The following USP48 variants were observed in gnomAD, a reference collection of about 807,000 sequenced individuals.
USP48 encodes ubiquitin carboxyl-terminal hydrolase 48.
USP48 carries 43 observed loss-of-function variants against 150.7 expected under a neutral mutation model. That is an observed-to-expected ratio of 0.29 (90% CI 0.22 to 0.37). The LOEUF is 0.37. Ranked by LOEUF, USP48 falls within the 10% of genes least tolerant of loss-of-function variation. USP48 has a pLI of 1.00. For missense variants in USP48, 813 were observed against 1,249.6 expected, an observed-to-expected ratio of 0.65 and a Z score of 5.27; for synonymous variants, 396 against 425.9, an observed-to-expected ratio of 0.93 and a Z score of 0.86.
At chr1:21,703,675 A>C (rs1029878264) in intron 20 of USP48, 57 bp from the exon 21 acceptor site, 2 of 1,265,552 alleles carry the variant, frequency 1.6e-6, no homozygotes, top group Admixed American at 3.9e-5. Context: ...ATTGTTAAAG[A>C]ATCAAAGATC....
chr1:21,782,824 C>A lies in USP48; in HGVS notation c.134G>T (p.Arg45Ile). 6.4e-7 allele frequency: 1 copy of A among 1,551,412 alleles called. No homozygotes were observed. The highest frequency in any genetic ancestry group is 2.5e-5 in the East Asian group (1 of 40,548). The change falls in exon 1 of 27, where the codon AGA becomes ATA. Residue 45 changes from arginine to isoleucine, a missense_variant and splice_region_variant. Transcript: ENST00000308271. ...GCGAGGCGCGGTGCGCGGGCCTCAC[C>A]TGCACACGCCGCGAATGCAGGGCTC... ...WLEPCIRGVC[R>I]RNCKGNPNCL... is the part of the protein sequence containing the mutation.
At position 21,729,781 on chromosome 1, in the gene USP48, T is replaced by C; in HGVS notation, c.1223A>G (p.His408Arg). The part of the protein sequence containing the change: ...TRKPKCGKGT[H>R]CSRNAYMLVY... ...CAACATATATGCATTTCGAGAGCAA[T>C]GAGTTCCTTTGCCACACTTGGGTTT... Residue 408 changes from histidine (H) to arginine (R), a missense_variant, in exon 10 of 27, where the codon CAT (histidine) becomes CGT (arginine). His to Arg is a conservative substitution (Grantham distance 29). Transcript: ENST00000308271. 6.2e-7 allele frequency: 1 copy of C among 1,613,752 alleles called. No individual in the cohort carries two copies. Among genetic ancestry groups the C allele is most frequent in the Non-Finnish European group, 8.5e-7 (1 of 1,179,652 alleles).
intron 8 of USP48, among the ~76,000 whole-genome samples, chr1:21,739,909 T>C (rs2097777305): frequency 7.1e-6 from 1 of 141,654 alleles, no homozygotes; most frequent in Non-Finnish European, 1.5e-5. Context: ...GATGAGATCA[T>C]GCAGTATTTG....
Position 21,706,226 on chromosome 1 carries a change from A to G in USP48, c.2212-39T>C, listed in dbSNP as rs1224446817. 8 of 1,600,414 alleles carry G rather than the reference A, an allele frequency of 5.0e-6. No individual in the cohort carries two copies. The East Asian group carries it at 1.6e-4, about 31-fold the overall frequency. ...ATCACAAAACAGTATCCGTCAATTC[A>G]CCGCCTGCTTAACACAAATTCCTTA... is the stretch of plus-strand genomic sequence containing the variant. On this transcript the variant is annotated intron_variant, in intron 17 of 26. Coordinates refer to ENST00000308271, the MANE Select transcript of USP48 (RefSeq NM_032236.8).
Position 21,775,372 on chromosome 1 carries a change from G to A in USP48, c.134+7452C>T, listed in dbSNP as rs148706455. Among the ~76,000 whole-genome samples the A allele has an allele frequency of 1.2e-3, 182 of 152,174 alleles. 1 individual carries two copies. The highest frequency in any genetic ancestry group is 3.9e-3 in the African/African-American group (163 of 41,528). ...CACCTCCTGGGTTCAAGCAATTCTC[G>A]CGCCTCAGCCTCCTGAGTAGCTGGA... On this transcript the variant is annotated intron_variant, in intron 1 of 26. Coordinates refer to ENST00000308271, the MANE Select transcript of USP48 (RefSeq NM_032236.8).
At chr1:21,763,720 C>T (rs962941416) in intron 1 of USP48, among the ~76,000 whole-genome samples, 1 of 152,066 alleles carries the variant, frequency 6.6e-6, no homozygotes, top group Non-Finnish European at 1.5e-5. Context: ...GAGGCTGAGG[C>T]AGGAGAATCA....
intron 6 of USP48, among the ~76,000 whole-genome samples, chr1:21,749,791 C>A (rs970093060): frequency 6.6e-6 from 1 of 151,952 alleles, no homozygotes; most frequent in Non-Finnish European, 1.5e-5. Context: ...TTTGCAAAGA[C>A]GGTCTATCAC....
intron 1 of USP48, among the ~76,000 whole-genome samples, chr1:21,758,279 A>T (rs1349024010): frequency 2.0e-5 from 3 of 151,882 alleles, no homozygotes; most frequent in Non-Finnish European, 1.5e-5. Context: ...TCCAGGACAC[A>T]TTATTAAGTA....
chr1:21,757,772 T>C lies in USP48; in HGVS notation c.146A>G (p.Lys49Arg), dbSNP rs777957769. The change falls in exon 2 of 27, where the codon AAA (lysine) becomes AGA (arginine). Residue 49 changes from lysine (K) to arginine (R), a missense_variant. Coordinates refer to ENST00000308271, the MANE Select transcript of USP48 (RefSeq NM_032236.8). ...CIRGVCRRNCKGNPNCLVGIG... is the reference protein window; with the variant it reads ...CIRGVCRRNCRGNPNCLVGIG... ...ACCAACCAAGCAATTCGGATTTCCT[T>C]TGCAGTTTCGTCTAAGGGGAAAAAA... 3 of 1,603,734 alleles carry C rather than the reference T, an allele frequency of 1.9e-6. No individual in the cohort carries two copies. The highest frequency in any genetic ancestry group is 2.3e-5 in the South Asian group (2 of 87,498).
intron 1 of USP48, among the ~76,000 whole-genome samples, chr1:21,764,711 CAAAAA>C (rs35810751): frequency 9.2e-6 from 1 of 108,262 alleles, no homozygotes. Context: ...CACTCCGTCT[CAAAAA>C]AAAAAAAAAA....
At chr1:21,748,891 C>T (rs1304549536) in intron 6 of USP48, among the ~76,000 whole-genome samples, 2 of 151,930 alleles carry the variant, frequency 1.3e-5, no homozygotes, top group Admixed American at 6.6e-5. Flanking sequence ...AGCCTGGAAA[C>T]AAAGCGAGAC....
intron 1 of USP48, among the ~76,000 whole-genome samples, chr1:21,771,384 A>G (rs190001100): frequency 0.024 from 3,019 of 127,842 alleles, 40 homozygotes; most frequent in Middle Eastern, 0.067. Context: ...AAAAAAAAAT[A>G]AATTATTATT....
At chr1:21,679,587 A>T in intron 26 of USP48, 148 bp from the exon 27 acceptor site, 2 of 941,418 alleles carry the variant, frequency 2.1e-6, no homozygotes. Context: ...GATAAGACAA[A>T]ATACCAGCAG....
chr1:21,693,232 A>C (rs1177290179), intron 23 of USP48, among the ~76,000 whole-genome samples: 3 of 152,210 alleles, frequency 2.0e-5, no homozygotes, highest in African/African-American at 7.2e-5. Flanking sequence ...AAGGAAATGA[A>C]CAAATTGTAC....
intron 25 of USP48, among the ~76,000 whole-genome samples, chr1:21,682,119 A>T (rs912579066): frequency 1.3e-5 from 2 of 152,228 alleles, no homozygotes; most frequent in African/African-American, 4.8e-5. Flanking sequence ...ATCCTCACAC[A>T]GTATCATGGC....
At chr1:21,737,088 C>A (rs534824925) in intron 8 of USP48, among the ~76,000 whole-genome samples, 5 of 152,152 alleles carry the variant, frequency 3.3e-5, no homozygotes, top group African/African-American at 1.2e-4. Flanking sequence ...CAAAAACTGA[C>A]GGCAAGTCAT....
intron 22 of USP48, among the ~76,000 whole-genome samples, chr1:21,699,586 T>C (rs1469254707): frequency 6.6e-6 from 1 of 151,272 alleles, no homozygotes; most frequent in African/African-American, 2.4e-5. Context: ...TGATCTCAGC[T>C]CACTGCAAGT....
intron 3 of USP48, among the ~76,000 whole-genome samples, chr1:21,756,070 CAGG>C (rs1282904343): frequency 6.6e-6 from 1 of 151,830 alleles, no homozygotes; most frequent in Admixed American, 6.6e-5. Flanking sequence ...GAGGCTGAGG[CAGG>C]AGAATTGCTT....
intron 6 of USP48, among the ~76,000 whole-genome samples, chr1:21,750,819 T>A (rs1571968544): frequency 1.3e-5 from 2 of 151,222 alleles, no homozygotes; most frequent in Admixed American, 6.6e-5. Flanking sequence ...GAGGCGGAGG[T>A]TGCAATGAGC....
Sources: gnomAD v4.1 joint callset for allele counts (sites outside exome capture counted in the v4.1 genomes callset) on GRCh38, gnomAD v4.1.1 for gene constraint, MANE v1.5 for transcripts, NCBI Gene and HGNC (gene_info 2026-07-23, HGNC 2026-07-21) for gene names.